BICD1: variants seen among roughly 807,000 people sequenced by gnomAD.
BICD1 encodes protein bicaudal D homolog 1.
Under a neutral mutation model 92.5 loss-of-function variants are expected in BICD1, and 35 were observed. The ratio of observed to expected loss-of-function variants is 0.38; its 90% CI spans 0.29 to 0.50. The LOEUF (loss-of-function observed/expected upper bound fraction) is 0.50. BICD1 is among the 20% of genes least tolerant of loss of function. The pLI is 0.93. For synonymous variants in BICD1, 429 were observed against 465.1 expected (o/e 0.92, Z 1.00); for missense variants, 950 against 1,189.8 (o/e 0.80, Z 2.97).
intron 1 of BICD1, among the ~76,000 whole-genome samples, chr12:32,186,447 G>A (rs1440313207): frequency 1.3e-5 from 2 of 152,168 alleles, no homozygotes; most frequent in African/African-American, 2.4e-5. Flanking sequence ...TTTTTGCTAC[G>A]TGATGTATTA....
At chr12:32,219,308 CAT>C (rs1413402219) in intron 2 of BICD1, among the ~76,000 whole-genome samples, 8 of 152,110 alleles carry the variant, frequency 5.3e-5, no homozygotes, top group Admixed American at 2.0e-4. Context: ...AAGATTTACC[CAT>C]GTGTGTGTGA....
At chr12:32,274,164 T>G (rs924133150) in intron 2 of BICD1, among the ~76,000 whole-genome samples, 7 of 152,224 alleles carry the variant, frequency 4.6e-5, no homozygotes, top group Non-Finnish European at 8.8e-5. Context: ...AGAAAAAAAT[T>G]GATCACATTT....
intron 2 of BICD1, among the ~76,000 whole-genome samples, chr12:32,274,309 A>C (rs1485200310): frequency 6.6e-6 from 1 of 152,214 alleles, no homozygotes; most frequent in African/African-American, 2.4e-5. Context: ...ATCAGAACTG[A>C]AATTCTATAT....
intron 1 of BICD1, chr12:32,107,923 G>T: frequency 1.8e-6 from 1 of 549,982 alleles, no homozygotes; most frequent in Non-Finnish European, 3.3e-6. Flanking sequence ...CCACAAAAGT[G>T]ATGAGGTTTG....
At chr12:32,249,970 C>T (rs548347313) in intron 2 of BICD1, among the ~76,000 whole-genome samples, 5 of 150,142 alleles carry the variant, frequency 3.3e-5, no homozygotes, top group African/African-American at 1.2e-4. Flanking sequence ...AAATAGGAGA[C>T]AAAAGAAAGG....
chr12:32,354,475 A>T (rs1335307816), intron 8 of BICD1, among the ~76,000 whole-genome samples: 2 of 152,238 alleles, frequency 1.3e-5, no homozygotes, highest in Non-Finnish European at 2.9e-5. Flanking sequence ...GAAATTTTTA[A>T]CGAAGAATGA....
At chr12:32,332,628 G>T in intron 5 of BICD1, 1 of 293,932 alleles carries the variant, frequency 3.4e-6, no homozygotes, top group Non-Finnish European at 5.1e-6. Context: ...TACACATGCT[G>T]TAATCCAAGT....
At chr12:32,155,271 CTG>C (rs1385495073) in intron 1 of BICD1, among the ~76,000 whole-genome samples, 4 of 152,176 alleles carry the variant, frequency 2.6e-5, no homozygotes, top group Non-Finnish European at 5.9e-5. Flanking sequence ...GCATTTCAAA[CTG>C]TTACTGAAAT....
chr12:32,199,191 T>A (rs917224513), intron 1 of BICD1, among the ~76,000 whole-genome samples: 4 of 152,300 alleles, frequency 2.6e-5, no homozygotes, highest in Non-Finnish European at 5.9e-5. Flanking sequence ...TAATTAGAGT[T>A]GAAAAATTAT....
chr12:32,250,637 C>T (rs1946500312), intron 2 of BICD1, among the ~76,000 whole-genome samples: 2 of 152,126 alleles, frequency 1.3e-5, no homozygotes, highest in Non-Finnish European at 2.9e-5. Context: ...TTATTTTAAT[C>T]TTTATTGCAT....
At chr12:32,346,674 A>G (rs1332188449) in intron 8 of BICD1, among the ~76,000 whole-genome samples, 1 of 133,094 alleles carries the variant, frequency 7.5e-6, no homozygotes, top group African/African-American at 2.7e-5. Flanking sequence ...ACACACGCAC[A>G]CACACACATA....
chr12:32,351,738 A>T (rs1306036796), intron 8 of BICD1, among the ~76,000 whole-genome samples: 1 of 150,714 alleles, frequency 6.6e-6, no homozygotes, highest in Non-Finnish European at 1.5e-5. Flanking sequence ...CCCCATCTCT[A>T]CTAAAAATAC....
At chr12:32,185,964 G>T (rs1370627499) in intron 1 of BICD1, among the ~76,000 whole-genome samples, 1 of 152,092 alleles carries the variant, frequency 6.6e-6, no homozygotes, top group African/African-American at 2.4e-5. Flanking sequence ...ATTATGAGGA[G>T]GAATGACGTG....
chr12:32,317,139 C>T (rs1340622883), intron 4 of BICD1, among the ~76,000 whole-genome samples: 1 of 152,154 alleles, frequency 6.6e-6, no homozygotes, highest in Non-Finnish European at 1.5e-5. Flanking sequence ...CAAGTCTTTG[C>T]TGTTGTGAAT....
intron 1 of BICD1, among the ~76,000 whole-genome samples, chr12:32,207,513 A>AT (rs898608452): frequency 5.3e-5 from 8 of 152,136 alleles, no homozygotes; most frequent in South Asian, 2.1e-4. Flanking sequence ...TATGTGATAG[A>AT]TTTTTTTTAA....
At chr12:32,330,795 C>T (rs1310439930) in intron 5 of BICD1, among the ~76,000 whole-genome samples, 1 of 152,102 alleles carries the variant, frequency 6.6e-6, no homozygotes, top group Non-Finnish European at 1.5e-5. Flanking sequence ...CATTCTTGAT[C>T]AAGCCATCCA....
intron 5 of BICD1, chr12:32,332,546 C>A: frequency 1.4e-6 from 1 of 713,484 alleles, no homozygotes; most frequent in Non-Finnish European, 1.7e-6. Flanking sequence ...AAGACTAACA[C>A]ATGGTCCCTG....
chr12:32,327,384 T>A, intron 4 of BICD1, 77 bp from the exon 5 acceptor site: 1 of 1,503,202 alleles, frequency 6.7e-7, no homozygotes, highest in South Asian at 1.4e-5. Context: ...AGTGTATACA[T>A]GCCCGACTGT....
At chr12:32,306,148 G>C in intron 4 of BICD1, 26 bp downstream of exon 4, 2 of 1,532,604 alleles carry the variant, frequency 1.3e-6, no homozygotes, top group Non-Finnish European at 1.7e-6. Flanking sequence ...AGGGCCGCTA[G>C]AGTGAATTTC....
Sources: allele counts gnomAD v4.1 joint callset (sites outside exome capture counted in the v4.1 genomes callset), GRCh38; gene constraint gnomAD v4.1.1; transcripts MANE v1.5; gene names NCBI Gene and HGNC (gene_info 2026-07-23, HGNC 2026-07-21).